ADCY9: variants seen among roughly 807,000 people sequenced by gnomAD.
The protein encoded by ADCY9 is adenylate cyclase 9.
Under a neutral mutation model 101.5 loss-of-function variants are expected in ADCY9, and 50 were observed. The ratio of observed to expected loss-of-function variants is 0.49; its 90% CI spans 0.39 to 0.62. The LOEUF is 0.62. Ranked by LOEUF, ADCY9 falls within the 20% of genes least tolerant of loss-of-function variation. The probability of loss-of-function intolerance (pLI) is 0.00; values close to 1 mark genes in which losing one functional copy is unlikely to be tolerated. For synonymous variants in ADCY9, 905 were observed against 769.3 expected, an observed-to-expected ratio of 1.18 and a Z score of -2.92; for missense variants, 1,662 against 1,800.4, an observed-to-expected ratio of 0.92 and a Z score of 1.39.
intron 8 of ADCY9, among the ~76,000 whole-genome samples, chr16:3,978,825 T>C (rs2056115129): frequency 6.6e-6 from 1 of 152,216 alleles, no homozygotes; most frequent in African/African-American, 2.4e-5. Context: ...GTTCAAGCGA[T>C]TCTCCTGCCT....
intron 2 of ADCY9, among the ~76,000 whole-genome samples, chr16:4,068,873 T>G (rs2056816514): frequency 6.6e-6 from 1 of 151,116 alleles, no homozygotes; most frequent in African/African-American, 2.4e-5. Context: ...TACACGCAGA[T>G]CTATCTCATT....
rs2055950731 is a variant in ADCY9, at chr16:3,963,062, G to A, written c.*2713C>T. The A allele has an allele frequency of 6.4e-6, 1 of 155,932 alleles. No homozygotes were observed. Among genetic ancestry groups the A allele is most frequent in the Non-Finnish European group, 1.3e-5 (1 of 79,042 alleles). 9.7% of individuals were successfully genotyped at this position (155,932 alleles called of 1,614,324 possible). ...GTTTTGTAACTGATGCTCTACATTT[G>A]TTTGCATTGGATAAAATTGTGTGTG... On this transcript the variant is annotated 3_prime_UTR_variant, in exon 11 of 11. Transcript: ENST00000294016.
At chr16:4,044,243 AG>A (rs1384090580) in intron 2 of ADCY9, among the ~76,000 whole-genome samples, 2 of 152,108 alleles carry the variant, frequency 1.3e-5, no homozygotes, top group Admixed American at 1.3e-4. Flanking sequence ...GCTACTCCGG[AG>A]GCTGAAGCAG....
intron 7 of ADCY9, among the ~76,000 whole-genome samples, chr16:3,981,428 G>C (rs111770834): frequency 3.0e-4 from 45 of 152,324 alleles, no homozygotes; most frequent in African/African-American, 1.1e-3. Context: ...AGGCAGACCT[G>C]GGGGAGTGAC....
chr16:4,038,003 T>C (rs2056601034), intron 2 of ADCY9, among the ~76,000 whole-genome samples: 2 of 151,506 alleles, frequency 1.3e-5, no homozygotes, highest in Admixed American at 1.3e-4. Flanking sequence ...ACTGGCACAG[T>C]GGCTCAACAC....
At chr16:4,075,794 C>T (rs149089772) in intron 2 of ADCY9, among the ~76,000 whole-genome samples, 2 of 152,174 alleles carry the variant, frequency 1.3e-5, no homozygotes, top group African/African-American at 4.8e-5. Flanking sequence ...AACGGAGATG[C>T]TACTGGATCT....
At chr16:4,056,671 T>A (rs933478669) in intron 2 of ADCY9, among the ~76,000 whole-genome samples, 2 of 152,198 alleles carry the variant, frequency 1.3e-5, no homozygotes, top group Non-Finnish European at 2.9e-5. Flanking sequence ...CAGTGCGTGA[T>A]CCGAAGGGGC....
At chr16:4,090,126 G>A (rs116622632) in intron 2 of ADCY9, among the ~76,000 whole-genome samples, 438 of 152,110 alleles carry the variant, frequency 2.9e-3, no homozygotes, top group African/African-American at 0.01. Context: ...AATGTGTGCC[G>A]AGCGATACCC....
intron 2 of ADCY9, among the ~76,000 whole-genome samples, chr16:4,063,793 G>T (rs984746973): frequency 6.6e-6 from 1 of 151,016 alleles, no homozygotes; most frequent in Non-Finnish European, 1.5e-5. Context: ...AAAAGCAGAA[G>T]GAAGGCAATA....
intron 2 of ADCY9, among the ~76,000 whole-genome samples, chr16:4,024,157 G>C (rs2056497626): frequency 6.6e-6 from 1 of 151,682 alleles, no homozygotes; most frequent in African/African-American, 2.4e-5. Context: ...TGAGTAGCTG[G>C]GATTACAGGC....
intron 2 of ADCY9, among the ~76,000 whole-genome samples, chr16:4,076,527 C>G (rs900103230): frequency 2.0e-5 from 3 of 152,190 alleles, no homozygotes; most frequent in Non-Finnish European, 2.9e-5. Context: ...TTCCCAAGCT[C>G]TCACCTCTAA....
chr16:4,057,770 G>A (rs1287813685), intron 2 of ADCY9, among the ~76,000 whole-genome samples: 3 of 152,118 alleles, frequency 2.0e-5, no homozygotes, highest in East Asian at 1.9e-4. Context: ...GCGTGTTCTC[G>A]ATGTGTGAGC....
intron 2 of ADCY9, among the ~76,000 whole-genome samples, chr16:4,077,900 T>C (rs2056877720): frequency 7.7e-6 from 1 of 130,020 alleles, no homozygotes; most frequent in Non-Finnish European, 1.7e-5. Context: ...TACTTGGGAG[T>C]CTTCGGCAGA....
intron 2 of ADCY9, among the ~76,000 whole-genome samples, chr16:4,078,062 T>C (rs952697650): frequency 6.7e-6 from 1 of 148,904 alleles, no homozygotes; most frequent in Non-Finnish European, 1.5e-5. Context: ...CAAAGAAAAA[T>C]AACATGTTCA....
At chr16:3,959,469 C>A (rs945393167), downstream of ADCY9, among the ~76,000 whole-genome samples, 1 of 152,016 alleles carries the variant, frequency 6.6e-6, no homozygotes, top group African/African-American at 2.4e-5. Context: ...ACAAGCACAG[C>A]TTCTAATCAC....
At chr16:4,075,960 A>C (rs1567138389) in intron 2 of ADCY9, among the ~76,000 whole-genome samples, 1 of 152,208 alleles carries the variant, frequency 6.6e-6, no homozygotes, top group African/African-American at 2.4e-5. Flanking sequence ...CATCGCTGTT[A>C]TTTCTTTAAG....
At position 3,964,452 on chromosome 16, in the gene ADCY9, A is replaced by G. The variant is rs2055969585; in HGVS notation, c.*1323T>C. 6.6e-6 allele frequency: 1 copy of G among 152,254 alleles called. No individual in the cohort carries two copies. Among genetic ancestry groups the G allele is most frequent in the African/African-American group, 2.4e-5 (1 of 41,452 alleles). The allele number at this position is 152,254 out of a possible 1,614,324, so 9.4% of individuals were successfully genotyped here. A position where few individuals can be genotyped will look rare whatever the true frequency, so the allele number is the denominator to read the frequency against. ...TGCATCCAGATGCCTCTGTCCCTAG[A>G]TACGGTGTGAGAACTCCATTTCAGA... On this transcript the variant is annotated 3_prime_UTR_variant, in exon 11 of 11. Coordinates refer to ENST00000294016, the MANE Select transcript of ADCY9 (RefSeq NM_001116.4).
intron 2 of ADCY9, among the ~76,000 whole-genome samples, chr16:4,033,674 C>G (rs1360866717): frequency 1.3e-5 from 2 of 152,140 alleles, no homozygotes; most frequent in Admixed American, 1.3e-4. Flanking sequence ...CTCGGCCTCC[C>G]AAAGTGCTGG....
chr16:4,114,427 G>C lies in ADCY9; in HGVS notation c.1016C>G (p.Pro339Arg), dbSNP rs2057134141. 6.2e-7 allele frequency: 1 copy of C among 1,613,928 alleles called. No homozygotes were observed. The highest frequency in any genetic ancestry group is 1.3e-5 in the African/African-American group (1 of 74,880). The change falls in exon 2 of 11, where the codon CCA becomes CGA. Residue 339 changes from proline (P) to arginine (R), a missense_variant. Physicochemically the swap from Pro to Arg is moderately radical, Grantham distance 103. Transcript: ENST00000294016. This position sits in a 1 kb window ranked among gnomAD's most constrained non-coding sequence, Gnocchi z 4.3. ...CATTAAGTCATCGGCTATGATTCTT[G>C]GCATCACGGAATGAATCATCCTCTC... Reference protein sequence around the residue: ...LKERMIHSVMPRIIADDLMKQ... With the variant: ...LKERMIHSVMRRIIADDLMKQ...
Sources: gnomAD v4.1 joint callset for allele counts (sites outside exome capture counted in the v4.1 genomes callset) on GRCh38, gnomAD v4.1.1 for gene constraint, Gnocchi (gnomAD v3.1) non-coding constraint, MANE v1.5 for transcripts, NCBI Gene and HGNC (gene_info 2026-07-23, HGNC 2026-07-21) for gene names.